ARSG: variants seen among roughly 807,000 people sequenced by gnomAD.
The protein encoded by ARSG is arylsulfatase G.
ARSG carries 37 observed loss-of-function variants against 50.5 expected under a neutral mutation model. The observed-to-expected ratio is 0.73, with a 90% CI of 0.56 to 0.96. The LOEUF (loss-of-function observed/expected upper bound fraction) is 0.96. ARSG is among the 50% of genes least tolerant of loss of function. The probability of loss-of-function intolerance (pLI) is 0.00; values close to 1 mark genes in which losing one functional copy is unlikely to be tolerated. For synonymous variants in ARSG, 225 were observed against 254.6 expected, an observed-to-expected ratio of 0.88 and a Z score of 1.11; for missense variants, 629 against 675.3, an observed-to-expected ratio of 0.93 and a Z score of 0.76.
the ARSG span, among the ~76,000 whole-genome samples, chr17:68,444,996 C>T: frequency 7.4e-5 from 11 of 148,226 alleles, no homozygotes; most frequent in Non-Finnish European, 1.3e-4. Context: ...TCTCAGCTCA[C>T]TGCAACCTCT....
chr17:68,332,152 A>G (rs1403705405), intron 2 of ARSG, among the ~76,000 whole-genome samples: 2 of 152,204 alleles, frequency 1.3e-5, no homozygotes, highest in Non-Finnish European at 2.9e-5. Context: ...TGAAAGACAG[A>G]CATTCCCAAA....
At chr17:68,430,391 G>A in the ARSG span, among the ~76,000 whole-genome samples, 1 of 152,160 alleles carries the variant, frequency 6.6e-6, no homozygotes, top group Non-Finnish European at 1.5e-5. Context: ...GCTGTTAAAA[G>A]GTTCCCAATG....
chr17:68,430,123 C>G, the ARSG span: 23 of 1,613,916 alleles, frequency 1.4e-5, no homozygotes, highest in Non-Finnish European at 1.9e-5. Flanking sequence ...AACATCTTTC[C>G]CATGTAGCCA....
At chr17:68,421,066 C>T (rs940717371), downstream of ARSG, 1 of 154,968 alleles carries the variant, frequency 6.5e-6, no homozygotes, top group Non-Finnish European at 1.4e-5. Flanking sequence ...TGAAATCCTA[C>T]ATTTCTATCA....
chr17:68,355,374 T>C (rs1421374379), intron 5 of ARSG, among the ~76,000 whole-genome samples: 1 of 152,248 alleles, frequency 6.6e-6, no homozygotes, highest in Non-Finnish European at 1.5e-5. Context: ...TTGTTTTGTT[T>C]TGAGATGGAG....
chr17:68,323,947 C>T (rs1280609226), intron 2 of ARSG, among the ~76,000 whole-genome samples: 1 of 151,698 alleles, frequency 6.6e-6, no homozygotes, highest in Non-Finnish European at 1.5e-5. Context: ...GTGGCGGGTG[C>T]CTGTAATCCC....
chr17:68,302,279 C>T lies in ARSG; in HGVS notation c.-551-4664C>T, dbSNP rs116227730. 7.2e-3 allele frequency among the ~76,000 whole-genome samples: 1,097 copies of T among 152,274 alleles called. 12 individuals are homozygous for T. Among genetic ancestry groups the T allele is most frequent in the African/African-American group, 0.025 (1,047 of 41,548 alleles). On this transcript the variant is annotated intron_variant, in intron 1 of 11. Coordinates refer to ENST00000621439, the MANE Select transcript of ARSG (RefSeq NM_001267727.2). The stretch of plus-strand genomic sequence containing the variant: ...GGAGTAAAACAACAGCAGTCCACAT[C>T]CCAGAGACCTGCTCCCCCCTGCTCT...
chr17:68,383,339 G>C (rs576329817), intron 8 of ARSG, among the ~76,000 whole-genome samples: 1 of 152,188 alleles, frequency 6.6e-6, no homozygotes, highest in Non-Finnish European at 1.5e-5. Flanking sequence ...TGGAGGCAGA[G>C]ACCAAATCCT....
intron 1 of ARSG, among the ~76,000 whole-genome samples, chr17:68,282,393 C>A (rs1455076460): frequency 1.3e-5 from 2 of 151,798 alleles, no homozygotes; most frequent in African/African-American, 4.8e-5. Context: ...AGGAGATATA[C>A]CTAATGTTAA....
intron 1 of ARSG, among the ~76,000 whole-genome samples, chr17:68,301,492 G>A (rs782129302): frequency 3.9e-5 from 6 of 152,184 alleles, no homozygotes; most frequent in Non-Finnish European, 8.8e-5. Context: ...ACCTCCTGAC[G>A]TTTTGTGCCC....
At chr17:68,316,110 T>G (rs1301073616) in intron 2 of ARSG, among the ~76,000 whole-genome samples, 2 of 152,234 alleles carry the variant, frequency 1.3e-5, no homozygotes, top group Non-Finnish European at 2.9e-5. Flanking sequence ...TTTCTGTTCC[T>G]TGAACATATG....
At position 68,420,664 on chromosome 17, in the gene ARSG, C is replaced by A; in HGVS notation, c.*201C>A. 1.6e-6 allele frequency: 1 copy of A among 644,554 alleles called. No individual in the cohort carries two copies. Among genetic ancestry groups the A allele is most frequent in the South Asian group, 2.0e-5 (1 of 50,576 alleles). 39.9% of individuals were successfully genotyped at this position (644,554 alleles called of 1,614,324 possible). The stretch of plus-strand genomic sequence containing the variant: ...GCAGCTGAGCTGCGCTGGCTCTGGG[C>A]AGGGAGTGTGCCTTAATGGGAAGCA... On this transcript the variant is annotated 3_prime_UTR_variant, in exon 12 of 12. Transcript: ENST00000621439.
At chr17:68,325,718 T>A (rs2077478136) in intron 2 of ARSG, among the ~76,000 whole-genome samples, 1 of 152,202 alleles carries the variant, frequency 6.6e-6, no homozygotes, top group Admixed American at 6.5e-5. Context: ...GGCCCATTCT[T>A]TCAAGTTCCT....
the ARSG span, chr17:68,450,686 G>C: frequency 1.3e-6 from 2 of 1,564,280 alleles, no homozygotes; most frequent in Non-Finnish European, 1.7e-6. Context: ...TTTGGCTCCC[G>C]TTAGCAGAAG....
Position 68,259,348 on chromosome 17 carries a change from G to T in ARSG, c.-630G>T, listed in dbSNP as rs2075038504. The T allele has an allele frequency of 2.6e-5, 4 of 152,250 alleles. No individual in the cohort carries two copies. The South Asian group carries it at 8.3e-4, about 31-fold the overall frequency. The allele number at this position is 152,250 out of a possible 1,614,324, so 9.4% of individuals were successfully genotyped here. A position where few individuals can be genotyped will look rare whatever the true frequency, so the allele number is the denominator to read the frequency against. ...CTCCTCCACTGCTGCGTGCCGTGCA[G>T]GCCTGCCTGTGTGAGAGCCACGTGT... is the stretch of plus-strand genomic sequence containing the variant. On this transcript the variant is annotated 5_prime_UTR_variant, in exon 1 of 12. Transcript: ENST00000448504.
intron 2 of ARSG, among the ~76,000 whole-genome samples, chr17:68,317,510 A>G (rs1555768953): frequency 6.6e-6 from 1 of 151,474 alleles, no homozygotes; most frequent in East Asian, 1.9e-4. Flanking sequence ...ACTGCAAATC[A>G]GCAAACATCT....
At position 68,376,277 on chromosome 17, in the gene ARSG, A is replaced by AT. The variant is rs386386490; in HGVS notation, c.982+5768dup. 2.0e-3 allele frequency among the ~76,000 whole-genome samples: 255 copies of AT among 125,016 alleles called. 4 individuals are homozygous for AT. Among genetic ancestry groups the AT allele is most frequent in the Non-Finnish European group, 2.2e-3 (133 of 59,806 alleles). 82.0% of individuals were successfully genotyped at this position (125,016 alleles called of 152,430 possible). A position where few individuals can be genotyped will look rare whatever the true frequency, so the allele number is the denominator to read the frequency against. Reference sequence around the variant, plus strand: ...AGGAGTGTGCCACTGCGCCCCCTGCATTTTTTTTTTTTTTTCTGAGATAGG... The same window carrying AT: ...AGGAGTGTGCCACTGCGCCCCCTGCATTTTTTTTTTTTTTTTCTGAGATAGG... On this transcript the variant is annotated intron_variant, in intron 8 of 11. Transcript: ENST00000621439.
At chr17:68,370,312 C>G (rs1456097171) in intron 7 of ARSG, 132 bp from the exon 8 acceptor site, 1 of 710,154 alleles carries the variant, frequency 1.4e-6, no homozygotes, top group South Asian at 2.0e-5. Context: ...CTGCACTAGG[C>G]CCATGTTTGT....
At chr17:68,411,205 AT>A (rs1314429809) in intron 11 of ARSG, among the ~76,000 whole-genome samples, 1 of 151,970 alleles carries the variant, frequency 6.6e-6, no homozygotes, top group Non-Finnish European at 1.5e-5. Flanking sequence ...GGTTCTTTTA[AT>A]TGTGATGTTA....
Sources: gnomAD v4.1 joint callset for allele counts (sites outside exome capture counted in the v4.1 genomes callset) on GRCh38, gnomAD v4.1.1 for gene constraint, MANE v1.5 for transcripts, NCBI Gene and HGNC (gene_info 2026-07-23, HGNC 2026-07-21) for gene names.